Variants in ETV6 observed in about 807,000 individuals in gnomAD.
ETV6 encodes transcription factor ETV6.
Under a neutral mutation model 51.1 loss-of-function variants are expected in ETV6, and 16 were observed. The observed-to-expected ratio is 0.31, with a 90% CI of 0.21 to 0.48. ETV6 has a LOEUF of 0.48. Ranked by LOEUF, ETV6 falls within the 20% of genes least tolerant of loss-of-function variation. The pLI, the probability that ETV6 is intolerant of heterozygous loss-of-function variation, is 0.99. For synonymous variants in ETV6, 240 were observed against 224.1 expected, an observed-to-expected ratio of 1.07 and a Z score of -0.64; for missense variants, 458 against 594.8, an observed-to-expected ratio of 0.77 and a Z score of 2.39.
rs1863862030 is a variant in ETV6 at position 11,650,115 on chromosome 12, C to G, written c.-13C>G. On this transcript the variant is annotated 5_prime_UTR_variant, in exon 1 of 8. Coordinates refer to ENST00000396373, the MANE Select transcript of ETV6 (RefSeq NM_001987.5). ...AAAACCTGAGAACTTCCTGATCTCT[C>G]TCGCTGTGAGACATGTCTGAGACTC... 3 of 1,613,396 alleles carry G rather than the reference C, an allele frequency of 1.9e-6. No homozygotes were observed. The highest frequency in any genetic ancestry group is 2.5e-6 in the Non-Finnish European group (3 of 1,179,444).
intron 2 of ETV6, among the ~76,000 whole-genome samples, chr12:11,827,687 C>G (rs75077430): frequency 3.0e-4 from 45 of 152,250 alleles, no homozygotes; most frequent in African/African-American, 1.0e-3. Flanking sequence ...ACAGGCACAG[C>G]TGAGCCACAC....
Position 11,728,443 on chromosome 12 carries a change from G to A in ETV6, c.34-24007G>A, listed in dbSNP as rs186925246. Among the ~76,000 whole-genome samples the A allele has an allele frequency of 7.3e-4, 111 of 151,422 alleles. 1 individual carries two copies. The East Asian group carries it at 0.017, about 23-fold the overall frequency. On this transcript the variant is annotated intron_variant, in intron 1 of 7. Transcript: ENST00000396373. Reference sequence around the variant, plus strand: ...AGATCAGTGGCAGCATTAGATTCTCGTAAGAGCACGAACCCTGTTGTGAAT... The same window carrying A: ...AGATCAGTGGCAGCATTAGATTCTCATAAGAGCACGAACCCTGTTGTGAAT...
chr12:11,654,835 T>C (rs1863970983), intron 1 of ETV6, among the ~76,000 whole-genome samples: 1 of 152,228 alleles, frequency 6.6e-6, no homozygotes, highest in South Asian at 2.1e-4. Flanking sequence ...CGTAGGCTCT[T>C]TTATCAAGGG....
chr12:11,835,258 G>T (rs1208267647), intron 2 of ETV6, among the ~76,000 whole-genome samples: 1 of 152,162 alleles, frequency 6.6e-6, no homozygotes, highest in Non-Finnish European at 1.5e-5. Flanking sequence ...AAACTAATTG[G>T]CATTAAAAAT....
chr12:11,790,693 T>C (rs1191873876), intron 2 of ETV6, among the ~76,000 whole-genome samples: 1 of 151,064 alleles, frequency 6.6e-6, no homozygotes, highest in African/African-American at 2.4e-5. Context: ...TTTTTTTTTT[T>C]TTTTTTGAGA....
intron 2 of ETV6, among the ~76,000 whole-genome samples, chr12:11,759,161 C>CT (rs5796461): frequency 0.58 from 86,473 of 148,790 alleles, 26,671 homozygotes; most frequent in Admixed American, 0.73. Context: ...TTATAGATGT[C>CT]TTTTTTTTTT....
intron 2 of ETV6, among the ~76,000 whole-genome samples, chr12:11,764,448 CCT>C (rs1354173759): frequency 6.6e-6 from 1 of 152,200 alleles, no homozygotes; most frequent in Non-Finnish European, 1.5e-5. Context: ...GGTCAGGTCT[CCT>C]CTAGTACACT....
chr12:11,695,398 C>G (rs1864857853), intron 1 of ETV6, among the ~76,000 whole-genome samples: 1 of 152,208 alleles, frequency 6.6e-6, no homozygotes. Flanking sequence ...CACTGGAATT[C>G]TCCTGCCAGG....
At chr12:11,837,650 C>A (rs1946335376) in intron 2 of ETV6, among the ~76,000 whole-genome samples, 2 of 152,216 alleles carry the variant, frequency 1.3e-5, no homozygotes, top group African/African-American at 4.8e-5. Flanking sequence ...CTGAGGGACA[C>A]TTTTATAACA....
At chr12:11,762,554 A>C (rs1565516354) in intron 2 of ETV6, among the ~76,000 whole-genome samples, 1 of 152,206 alleles carries the variant, frequency 6.6e-6, no homozygotes, top group Non-Finnish European at 1.5e-5. Context: ...GCATTAATTA[A>C]TTATGGGAGA....
At chr12:11,875,638 G>A (rs1299994179) in intron 5 of ETV6, among the ~76,000 whole-genome samples, 2 of 152,164 alleles carry the variant, frequency 1.3e-5, no homozygotes, top group Non-Finnish European at 2.9e-5. Flanking sequence ...AGGTAGAAGG[G>A]CCTTTTACAG....
intron 1 of ETV6, among the ~76,000 whole-genome samples, chr12:11,716,330 CAAAAAAAAAAAAAAAAAA>C (rs3049068): frequency 3.4e-5 from 2 of 58,094 alleles, no homozygotes; most frequent in Non-Finnish European, 6.1e-5. Flanking sequence ...GACTCCTTCT[CAAAAAAAAAAAAAAAAAA>C]AAAAAAAAAA....
intron 7 of ETV6, among the ~76,000 whole-genome samples, chr12:11,889,006 C>T (rs1947248220): frequency 6.6e-6 from 1 of 151,506 alleles, no homozygotes; most frequent in African/African-American, 2.4e-5. Context: ...GTAGAGGATT[C>T]TATTTTTTAT....
intron 2 of ETV6, among the ~76,000 whole-genome samples, chr12:11,827,027 G>A (rs1946163869): frequency 6.6e-6 from 1 of 150,956 alleles, no homozygotes; most frequent in Non-Finnish European, 1.5e-5. Flanking sequence ...TCAGAAAGGA[G>A]GAATAAGGGG....
At chr12:11,786,272 A>G (rs1348046520) in intron 2 of ETV6, among the ~76,000 whole-genome samples, 2 of 151,858 alleles carry the variant, frequency 1.3e-5, no homozygotes, top group Non-Finnish European at 2.9e-5. Flanking sequence ...TCATGCCTGA[A>G]TCTCAGGTTT....
chr12:11,831,445 A>C (rs1293314922), intron 2 of ETV6, among the ~76,000 whole-genome samples: 1 of 152,210 alleles, frequency 6.6e-6, no homozygotes, highest in African/African-American at 2.4e-5. Context: ...GGCTGGTCTC[A>C]AACTCCTGAC....
At position 11,722,609 on chromosome 12, in the gene ETV6, G is replaced by A. The variant is rs890732663; in HGVS notation, c.34-29841G>A. ...TGTTGTTCTCTCCTAGGCTTTCTAC[G>A]TCAAAGAGTAAAGTCAGAAAAGCCA... is the stretch of plus-strand genomic sequence containing the variant. On this transcript the variant is annotated intron_variant, in intron 1 of 7. Coordinates refer to ENST00000396373, the MANE Select transcript of ETV6 (RefSeq NM_001987.5). Among the ~76,000 whole-genome samples the A allele has an allele frequency of 2.0e-5, 3 of 152,098 alleles. No individual in the cohort carries two copies. The South Asian group carries it at 6.2e-4, about 32-fold the overall frequency.
chr12:11,786,376 G>A (rs773290835), intron 2 of ETV6, among the ~76,000 whole-genome samples: 5 of 149,984 alleles, frequency 3.3e-5, no homozygotes, highest in South Asian at 2.1e-4. Flanking sequence ...ATATATATAC[G>A]CTAATTCAGA....
intron 2 of ETV6, among the ~76,000 whole-genome samples, chr12:11,761,074 C>G (rs569804526): frequency 1.3e-5 from 2 of 152,012 alleles, no homozygotes; most frequent in Non-Finnish European, 2.9e-5. Context: ...TGGAGGAGCC[C>G]CAATTTGAAT....
Sources: gnomAD v4.1 joint callset for allele counts (sites outside exome capture counted in the v4.1 genomes callset) on GRCh38, gnomAD v4.1.1 for gene constraint, MANE v1.5 for transcripts, NCBI Gene and HGNC (gene_info 2026-07-23, HGNC 2026-07-21) for gene names.